EDIL3: variants seen among roughly 807,000 people sequenced by gnomAD.
EDIL3 encodes the protein EGF like and discoidin domains 3, also known as EGF-like repeat and discoidin I-like domain-containing protein 3.
In EDIL3, 37 loss-of-function variants were observed where a neutral mutation model predicts 67.4. The observed-to-expected ratio is 0.55, with a 90% CI of 0.42 to 0.72. The LOEUF (loss-of-function observed/expected upper bound fraction) is 0.72. Ranked by LOEUF, EDIL3 falls within the 30% of genes least tolerant of loss-of-function variation. EDIL3 has a pLI of 0.00. For missense variants in EDIL3, 527 were observed against 586.3 expected (o/e 0.90, Z 1.04); for synonymous variants, 195 against 196.3 (o/e 0.99, Z 0.05).
At chr5:84,124,759 AC>A (rs1221519900) in intron 5 of EDIL3, among the ~76,000 whole-genome samples, 1 of 151,960 alleles carries the variant, frequency 6.6e-6, no homozygotes, top group South Asian at 2.1e-4. Flanking sequence ...CTTTGTGGGA[AC>A]TTTTGTAGTG....
intron 4 of EDIL3, among the ~76,000 whole-genome samples, chr5:84,160,838 TTTTCC>T (rs1299745002): frequency 2.0e-5 from 3 of 146,832 alleles, no homozygotes; most frequent in African/African-American, 7.6e-5. Flanking sequence ...TTTCCTTTCC[TTTTCC>T]TTTCCTTTCT....
chr5:84,303,885 T>G (rs946803946), intron 1 of EDIL3, among the ~76,000 whole-genome samples: 1 of 139,858 alleles, frequency 7.2e-6, no homozygotes. Flanking sequence ...TGCCCACACA[T>G]GTGTCTATGA....
chr5:84,166,378 T>C (rs1239796753), intron 4 of EDIL3, among the ~76,000 whole-genome samples: 1 of 149,364 alleles, frequency 6.7e-6, no homozygotes, highest in Non-Finnish European at 1.5e-5. Context: ...CCTTGTTTTG[T>C]TTGTTTGTTT....
intron 1 of EDIL3, among the ~76,000 whole-genome samples, chr5:84,320,972 ATTAC>A (rs1746631314): frequency 6.6e-6 from 1 of 152,186 alleles, no homozygotes; most frequent in African/African-American, 2.4e-5. Flanking sequence ...TTTATAAATA[ATTAC>A]TTAATGCTAT....
intron 1 of EDIL3, among the ~76,000 whole-genome samples, chr5:84,349,651 T>C (rs141745188): frequency 1.0e-3 from 155 of 152,236 alleles, no homozygotes; most frequent in Non-Finnish European, 1.3e-3. Context: ...TAGAATAATA[T>C]TAAACACCAC....
At chr5:83,958,514 T>C (rs572501365) in intron 10 of EDIL3, among the ~76,000 whole-genome samples, 1 of 151,632 alleles carries the variant, frequency 6.6e-6, no homozygotes, top group East Asian at 2.0e-4. Flanking sequence ...CAACTTATGC[T>C]TTTACAAAAC....
chr5:84,007,524 C>A (rs1353506519), intron 9 of EDIL3, among the ~76,000 whole-genome samples: 4 of 152,104 alleles, frequency 2.6e-5, no homozygotes, highest in African/African-American at 4.8e-5. Flanking sequence ...TAAAAAGGTT[C>A]TCAATATCAT....
chr5:84,336,443 T>G (rs1186694811), intron 1 of EDIL3, among the ~76,000 whole-genome samples: 1 of 152,084 alleles, frequency 6.6e-6, no homozygotes, highest in Non-Finnish European at 1.5e-5. Context: ...TGAGACAGTA[T>G]GGAGAATGGA....
intron 1 of EDIL3, among the ~76,000 whole-genome samples, chr5:84,291,017 G>T (rs907262431): frequency 2.0e-5 from 3 of 152,016 alleles, no homozygotes; most frequent in Admixed American, 1.3e-4. Flanking sequence ...CAGAGAAGTT[G>T]GTCACATTAT....
intron 3 of EDIL3, among the ~76,000 whole-genome samples, chr5:84,212,635 G>T (rs1176091638): frequency 6.6e-6 from 1 of 152,146 alleles, no homozygotes; most frequent in African/African-American, 2.4e-5. Context: ...AAGACCAGAG[G>T]TGTGTAAAAG....
intron 1 of EDIL3, among the ~76,000 whole-genome samples, chr5:84,369,675 T>A (rs1364127867): frequency 6.6e-6 from 1 of 152,122 alleles, no homozygotes; most frequent in Non-Finnish European, 1.5e-5. Flanking sequence ...ATGGTCATAA[T>A]GATTGCACAA....
intron 5 of EDIL3, among the ~76,000 whole-genome samples, chr5:84,129,404 C>G (rs1317099661): frequency 1.3e-5 from 2 of 151,808 alleles, no homozygotes; most frequent in Non-Finnish European, 2.9e-5. Flanking sequence ...AAATGTATCT[C>G]TATATATTTA....
At chr5:84,329,003 CCA>C (rs1746820298) in intron 1 of EDIL3, among the ~76,000 whole-genome samples, 1 of 152,048 alleles carries the variant, frequency 6.6e-6, no homozygotes, top group South Asian at 2.1e-4. Context: ...TGAATCTCTC[CCA>C]CCACTTAAAC....
chr5:84,368,076 T>G (rs140335758), intron 1 of EDIL3, among the ~76,000 whole-genome samples: 2 of 152,302 alleles, frequency 1.3e-5, no homozygotes, highest in Non-Finnish European at 2.9e-5. Context: ...GTAACTATTT[T>G]GAAACTCTGG....
intron 1 of EDIL3, among the ~76,000 whole-genome samples, chr5:84,351,781 T>C (rs1039530649): frequency 6.6e-6 from 1 of 151,910 alleles, no homozygotes; most frequent in African/African-American, 2.4e-5. Flanking sequence ...ATGTGGATGA[T>C]AGAAGTTAAT....
At chr5:84,264,634 T>C (rs1018677138) in intron 1 of EDIL3, among the ~76,000 whole-genome samples, 4 of 152,212 alleles carry the variant, frequency 2.6e-5, no homozygotes, top group South Asian at 2.1e-4. Context: ...AACTTTACGC[T>C]TTTAGATAAT....
intron 9 of EDIL3, among the ~76,000 whole-genome samples, chr5:84,021,732 A>G (rs916750451): frequency 6.6e-6 from 1 of 151,948 alleles, no homozygotes; most frequent in Non-Finnish European, 1.5e-5. Flanking sequence ...TAAGTCAGCT[A>G]AACAGAAATA....
At chr5:84,224,165 T>C (rs763774232) in intron 3 of EDIL3, among the ~76,000 whole-genome samples, 9 of 151,522 alleles carry the variant, frequency 5.9e-5, no homozygotes, top group Non-Finnish European at 8.9e-5. Context: ...ACTTATTGTA[T>C]AGCTGCAAGA....
rs952044053 is a variant in EDIL3, at chr5:84,199,469, T to C, written c.227-18948A>G. Among the ~76,000 whole-genome samples the C allele has an allele frequency of 2.0e-5, 3 of 152,002 alleles. No homozygotes were observed. In the South Asian group the frequency reaches 6.2e-4, roughly 32 times the overall value. ...TCTTATACTGAGGTAGATGTCACTA[T>C]TAACCAAAAGCAGGAGCTCTGTAAT... On this transcript the variant is annotated intron_variant, in intron 3 of 10. Coordinates refer to ENST00000296591, the MANE Select transcript of EDIL3 (RefSeq NM_005711.5).
Sources: allele counts gnomAD v4.1 joint callset (sites outside exome capture counted in the v4.1 genomes callset), GRCh38; gene constraint gnomAD v4.1.1; transcripts MANE v1.5; gene names NCBI Gene and HGNC (gene_info 2026-07-23, HGNC 2026-07-21).